The following RAD51C variants were observed in gnomAD, a reference collection of about 807,000 sequenced individuals.
RAD51C encodes the protein RAD51 paralog C.
RAD51C carries 42 observed loss-of-function variants against 45.0 expected under a neutral mutation model. The ratio of observed to expected loss-of-function variants is 0.93; its 90% CI spans 0.73 to 1.21. The LOEUF (loss-of-function observed/expected upper bound fraction) is 1.21, where lower values mean the gene tolerates loss of function less well. Ranked by LOEUF, RAD51C falls within the 50% of genes most tolerant of loss-of-function variation. The pLI is 0.00. For synonymous variants in RAD51C, 172 were observed against 159.8 expected, an observed-to-expected ratio of 1.08 and a Z score of -0.58; for missense variants, 474 against 452.2, an observed-to-expected ratio of 1.05 and a Z score of -0.44.
At position 58,734,411 on chromosome 17, in the gene RAD51C, A is replaced by G; in HGVS notation, c.*189A>G. The stretch of plus-strand genomic sequence containing the variant: ...TTTTCTAAAGCAGTATTCTGCAATT[A>G]TATTTTACCCTGTTTTCATTTTCAG... On this transcript the variant is annotated 3_prime_UTR_variant, in exon 9 of 9. Transcript: ENST00000337432. 2 of 951,010 alleles carry G rather than the reference A, an allele frequency of 2.1e-6. No individual in the cohort carries two copies. The highest frequency in any genetic ancestry group is 3.0e-6 in the Non-Finnish European group (2 of 656,616). 58.9% of individuals were successfully genotyped at this position (951,010 alleles called of 1,614,324 possible). A position where few individuals can be genotyped will look rare whatever the true frequency, so the allele number is the denominator to read the frequency against.
At chr17:58,718,489 G>C (rs572438788) in intron 5 of RAD51C, among the ~76,000 whole-genome samples, 2 of 152,290 alleles carry the variant, frequency 1.3e-5, no homozygotes, top group Non-Finnish European at 2.9e-5. Context: ...TAACAGATCT[G>C]ACTTCTGTGT....
At chr17:58,692,582 C>T (rs982832032), upstream of RAD51C, 1 of 1,598,986 alleles carries the variant, frequency 6.3e-7, no homozygotes, top group Non-Finnish European at 8.5e-7. Flanking sequence ...TGACGTCACG[C>T]CGCACGCCCC....
intron 6 of RAD51C, among the ~76,000 whole-genome samples, chr17:58,721,136 G>A (rs975621394): frequency 3.9e-5 from 6 of 152,178 alleles, no homozygotes; most frequent in African/African-American, 1.4e-4. Flanking sequence ...CAAAAAATTA[G>A]CCAGGCATGG....
chr17:58,701,426 T>C (rs1182648657), intron 3 of RAD51C, among the ~76,000 whole-genome samples: 2 of 150,728 alleles, frequency 1.3e-5, no homozygotes, highest in Non-Finnish European at 3.0e-5. Context: ...GAGAATGGCA[T>C]GAACCCAGGA....
At chr17:58,720,709 G>C (rs2048887930) in intron 5 of RAD51C, 37 bp from the exon 6 acceptor site, 1 of 1,506,550 alleles carries the variant, frequency 6.6e-7, no homozygotes, top group Non-Finnish European at 9.2e-7. Context: ...AATTTTCAAA[G>C]AGACTCACCT....
chr17:58,700,438 TTTAA>T (rs953893567), intron 3 of RAD51C, among the ~76,000 whole-genome samples: 43 of 152,212 alleles, frequency 2.8e-4, no homozygotes, highest in African/African-American at 9.1e-4. Flanking sequence ...TTATTTTTAT[TTTAA>T]TTAATTAATT....
intron 4 of RAD51C, among the ~76,000 whole-genome samples, chr17:58,706,976 T>C (rs902163407): frequency 2.0e-5 from 3 of 152,200 alleles, no homozygotes; most frequent in Non-Finnish European, 4.4e-5. Flanking sequence ...TCTGGTTCCT[T>C]CTTGCTGAAC....
intron 1 of RAD51C, chr17:58,693,006 C>T (rs2047838346): frequency 6.5e-6 from 4 of 610,754 alleles, no homozygotes; most frequent in African/African-American, 1.9e-5. Context: ...TGCTTTTCCT[C>T]TGGCAATGCC....
At chr17:58,697,957 C>T (rs2048077130) in intron 3 of RAD51C, among the ~76,000 whole-genome samples, 1 of 152,104 alleles carries the variant, frequency 6.6e-6, no homozygotes, top group Non-Finnish European at 1.5e-5. Flanking sequence ...GGTGATCCTC[C>T]CGCCTCAGCC....
intron 7 of RAD51C, 82 bp downstream of exon 7, chr17:58,724,182 C>A: frequency 2.2e-6 from 3 of 1,345,846 alleles, no homozygotes; most frequent in Non-Finnish European, 3.2e-6. Context: ...TAGAGCTAGT[C>A]CTGTGGATGA....
At chr17:58,726,002 A>G (rs1397033085) in intron 7 of RAD51C, among the ~76,000 whole-genome samples, 1 of 150,836 alleles carries the variant, frequency 6.6e-6, no homozygotes, top group Middle Eastern at 3.2e-3. Context: ...CCCCTGCAAA[A>G]AAAAAAAAAA....
chr17:58,722,123 G>A (rs1047858472), intron 6 of RAD51C, among the ~76,000 whole-genome samples: 27 of 152,114 alleles, frequency 1.8e-4, no homozygotes, highest in African/African-American at 5.8e-4. Flanking sequence ...CAGTTGTCAA[G>A]CAGAATGAAG....
intron 5 of RAD51C, among the ~76,000 whole-genome samples, chr17:58,712,141 G>A (rs998195046): frequency 6.6e-6 from 1 of 151,998 alleles, no homozygotes; most frequent in Non-Finnish European, 1.5e-5. Flanking sequence ...GAGGTCAGGA[G>A]TTCGAGACCA....
intron 7 of RAD51C, among the ~76,000 whole-genome samples, chr17:58,726,559 T>C (rs1442229767): frequency 1.7e-5 from 2 of 116,972 alleles, no homozygotes; most frequent in East Asian, 2.4e-4. Context: ...TAGATGTATA[T>C]ACATATGTAT....
chr17:58,733,057 C>T (rs1272344805), intron 8 of RAD51C, among the ~76,000 whole-genome samples: 2 of 151,964 alleles, frequency 1.3e-5, no homozygotes, highest in Admixed American at 1.3e-4. Context: ...TCTGCGTCGC[C>T]CAGGCTGGAG....
chr17:58,716,685 A>G (rs2048749800), intron 5 of RAD51C, among the ~76,000 whole-genome samples: 1 of 151,070 alleles, frequency 6.6e-6, no homozygotes, highest in Admixed American at 6.6e-5. Flanking sequence ...GATGGCTTTG[A>G]TATCCTGACC....
In RAD51C at chr17:58,734,144, TA is replaced by T; in HGVS notation, c.1054del (p.Thr352LeufsTer12). The T allele has an allele frequency of 6.2e-7, 1 of 1,613,668 alleles. No individual in the cohort carries two copies. The highest frequency in any genetic ancestry group is 8.5e-7 in the Non-Finnish European group (1 of 1,179,760). On this transcript the variant is annotated frameshift_variant, in exon 9 of 9. Transcript: ENST00000337432. LOFTEE classifies it high-confidence loss of function. ...CTCAGGGATTTAGAGATACTGTTGT[TA>T]CTTCTGCATGTTCATTGCAAACAGA... is the stretch of plus-strand genomic sequence containing the variant. ...KPQGFRDTVV[T>X]SACSLQTEGS...
intron 7 of RAD51C, among the ~76,000 whole-genome samples, chr17:58,726,298 G>A (rs536617055): frequency 1.3e-5 from 2 of 150,918 alleles, no homozygotes; most frequent in East Asian, 3.9e-4. Flanking sequence ...AACTGAATAA[G>A]TAGTAAATAA....
In RAD51C at chr17:58,696,879, T is replaced by C. The variant is rs577697136; in HGVS notation, c.571+20T>C. ...GAGAGGGTAAGTTAGTAAATGATCTTCTTTTTTTCTGTATTAATAAAAGTA... is the reference window on the plus strand; with the variant it reads ...GAGAGGGTAAGTTAGTAAATGATCTCCTTTTTTTCTGTATTAATAAAAGTA... On this transcript the variant is annotated intron_variant, in intron 3 of 8. Transcript: ENST00000337432. 4.3e-6 allele frequency: 7 copies of C among 1,612,546 alleles called. No individual in the cohort carries two copies. The highest frequency in any genetic ancestry group is 4.5e-5 in the East Asian group (2 of 44,874).
Sources: allele counts gnomAD v4.1 joint callset (sites outside exome capture counted in the v4.1 genomes callset), GRCh38; gene constraint gnomAD v4.1.1; transcripts MANE v1.5; gene names NCBI Gene and HGNC (gene_info 2026-07-23, HGNC 2026-07-21).